ZNF253: variants seen among roughly 807,000 people sequenced by gnomAD.
The protein encoded by ZNF253 is DNA-binding protein.
ZNF253 carries 8 observed loss-of-function variants against 11.9 expected under a neutral mutation model. The ratio of observed to expected loss-of-function variants is 0.67; its 90% CI spans 0.40 to 1.22. The LOEUF is 1.22. ZNF253 is among the 50% of genes most tolerant of loss of function. The pLI, the probability that ZNF253 is intolerant of heterozygous loss-of-function variation, is 0.01. For synonymous variants in ZNF253, 194 were observed against 194.9 expected, an observed-to-expected ratio of 1.00 and a Z score of 0.04; for missense variants, 485 against 586.9, an observed-to-expected ratio of 0.83 and a Z score of 1.79.
chr19:19,872,580 T>TATATA lies in ZNF253; in HGVS notation c.4-5901_4-5900insATATA, dbSNP rs1555777030. ...CCATAACTATATATATATATATATATTATTATATATATATATATATAATCA... is the reference window on the plus strand; with the variant it reads ...CCATAACTATATATATATATATATATATATATATTATATATATATATATATAATCA... On this transcript the variant is annotated intron_variant, in intron 1 of 3. Coordinates refer to ENST00000589717, the MANE Select transcript of ZNF253 (RefSeq NM_021047.3). Among the ~76,000 whole-genome samples the TATATA allele has an allele frequency of 2.8e-3, 304 of 108,368 alleles. 8 individuals are homozygous for TATATA. The highest frequency in any genetic ancestry group is 0.013 in the African/African-American group (264 of 19,556). The allele number at this position is 108,368 out of a possible 152,430, so 71.1% of individuals were successfully genotyped here.
At chr19:19,875,576 T>C (rs2063151845) in intron 1 of ZNF253, among the ~76,000 whole-genome samples, 1 of 152,124 alleles carries the variant, frequency 6.6e-6, no homozygotes, top group Non-Finnish European at 1.5e-5. Context: ...TTTGTATTTT[T>C]AGTAGAGACG....
Position 19,892,616 on chromosome 19 carries a change from T to G in ZNF253, c.1369T>G (p.Cys457Gly), listed in dbSNP as rs1368343484. The change falls in exon 4 of 4, where the codon TGT (cysteine) becomes GGT (glycine). Residue 457 changes from cysteine (C) to glycine (G), a missense_variant. Around this residue, in one of 3 missense-constraint regions of ZNF253, gnomAD observed 232 missense variants for 321.4 expected, o/e 0.72. Coordinates refer to ENST00000589717, the MANE Select transcript of ZNF253 (RefSeq NM_021047.3). ...AGAGAAACCTTACAAATGTGAAGAA[T>G]GTGGCAAAGCTTTTAACTGGTCCTC... ...TGEKPYKCEECGKAFNWSSDL... is the reference protein window; with the variant it reads ...TGEKPYKCEEGGKAFNWSSDL... 6.2e-7 allele frequency: 1 copy of G among 1,613,956 alleles called. No individual in the cohort carries two copies. Among genetic ancestry groups the G allele is most frequent in the African/African-American group, 1.3e-5 (1 of 74,936 alleles).
chr19:19,892,348 C>T lies in ZNF253; in HGVS notation c.1101C>T (p.Pro367=), dbSNP rs756402201. The T allele has an allele frequency of 1.1e-5, 18 of 1,613,456 alleles. No homozygotes were observed. In the African/African-American group the frequency reaches 2.1e-4, roughly 19 times the overall value. ...AGATACTTCATACTGGAGAGAAACC[C>T]TACAGATGTAGAGAATGTGGCAAAG... ...THKILHTGEK[P]YRCRECGKAF... Residue 367 remains proline, a synonymous_variant, in exon 4 of 4, where the codon CCC becomes CCT. Transcript: ENST00000589717.
intron 1 of ZNF253, among the ~76,000 whole-genome samples, chr19:19,872,597 AT>A (rs1391407777): frequency 6.9e-4 from 99 of 144,028 alleles, no homozygotes; most frequent in African/African-American, 2.5e-3. Context: ...ATATATATAT[AT>A]ATAATCAAGT....
rs1279779900 is a variant in ZNF253, at chr19:19,891,544, G to A, written c.297G>A (p.Leu99=). 6.2e-7 allele frequency: 1 copy of A among 1,613,960 alleles called. No homozygotes were observed. The highest frequency in any genetic ancestry group is 1.7e-5 in the Admixed American group (1 of 59,988). Residue 99 remains leucine, a synonymous_variant, in exon 4 of 4, where the codon CTG becomes CTA. Transcript: ENST00000589717. The part of the protein sequence containing the change: ...NIQNSFQIGM[L]RRYEECRHDN... The stretch of plus-strand genomic sequence containing the variant: ...AAAATTCTTTCCAAATAGGGATGCT[G>A]AGAAGATATGAAGAATGCAGACATG...
intron 3 of ZNF253, among the ~76,000 whole-genome samples, chr19:19,888,256 G>A (rs2063214496): frequency 6.6e-6 from 1 of 152,008 alleles, no homozygotes; most frequent in Non-Finnish European, 1.5e-5. Context: ...TAGAGATGGG[G>A]TTACTCCATG....
In ZNF253 at chr19:19,882,174, A is replaced by G. The variant is rs1462390230; in HGVS notation, c.226+2028A>G. ...ATTGCACTCCAGCCTGGGCAACAAG[A>G]GCGAAACTCCGTCTCAATAAAAAAA... On this transcript the variant is annotated intron_variant, in intron 3 of 3. Transcript: ENST00000589717. 2.1e-5 allele frequency among the ~76,000 whole-genome samples: 3 copies of G among 145,550 alleles called. No individual in the cohort carries two copies. In the East Asian group the frequency reaches 6.1e-4, roughly 30 times the overall value.
chr19:19,878,491 A>C lies in ZNF253; in HGVS notation c.14A>C (p.Gln5Pro). 1.2e-6 allele frequency: 2 copies of C among 1,613,902 alleles called. No individual in the cohort carries two copies. The highest frequency in any genetic ancestry group is 8.5e-7 in the Non-Finnish European group (1 of 1,179,962). Residue 5 changes from glutamine (Q) to proline (P), a missense_variant, in exon 2 of 4, where the codon CAA (glutamine) becomes CCA (proline). This residue lies in a region of ZNF253 where 35 missense variants were observed against 52.4 expected (regional missense o/e 0.67). Transcript: ENST00000589717. ...GTGTGTGTTTTCCAGGGACCATTGC[A>C]ATTTAGAGATGTGGCCATAGAATTC... MGPLQFRDVAIEFSL... is the reference protein window; with the variant it reads MGPLPFRDVAIEFSL...
At position 19,878,590 on chromosome 19, in the gene ZNF253, G is replaced by A; in HGVS notation, c.113G>A (p.Arg38Lys). Residue 38 changes from arginine to lysine, a missense_variant, in exon 2 of 4, where the codon AGA (arginine) becomes AAA (lysine). Coordinates refer to ENST00000589717, the MANE Select transcript of ZNF253 (RefSeq NM_021047.3). ...AGGGATGTGATGTTAGAGAACTACA[G>A]AAACTTGGTCTTCCTTGGTGAGGAC... ...LYRDVMLENY[R>K]NLVFLGIVVS... is the part of the protein sequence containing the mutation. 1 of 1,613,498 alleles carries A rather than the reference G, an allele frequency of 6.2e-7. No individual in the cohort carries two copies. The highest frequency in any genetic ancestry group is 1.3e-5 in the African/African-American group (1 of 75,012).
intron 1 of ZNF253, 33 bp from the exon 2 acceptor site, chr19:19,878,448 T>C (rs1419549474): frequency 1.2e-6 from 2 of 1,612,382 alleles, no homozygotes; most frequent in African/African-American, 1.4e-5. Flanking sequence ...TCTCATGCCA[T>C]TTAGTAATTA....
chr19:19,885,291 C>CT (rs1226742626), intron 3 of ZNF253, among the ~76,000 whole-genome samples: 1 of 24,768 alleles, frequency 4.0e-5, no homozygotes, highest in African/African-American at 3.2e-4. Context: ...TTCTTTCTTT[C>CT]TCTTTCTTTT....
At position 19,891,977 on chromosome 19, in the gene ZNF253, A is replaced by G; in HGVS notation, c.730A>G (p.Thr244Ala). 1 of 1,613,924 alleles carries G rather than the reference A, an allele frequency of 6.2e-7. No homozygotes were observed. The highest frequency in any genetic ancestry group is 8.5e-7 in the Non-Finnish European group (1 of 1,180,014). The change falls in exon 4 of 4, where the codon ACT becomes GCT. Residue 244 changes from threonine (T) to alanine (A), a missense_variant. This residue lies in a region of ZNF253 where 232 missense variants were observed against 321.4 expected (regional missense o/e 0.72). Transcript: ENST00000589717. ...GKAFKQSSNLTTHKKIHTGEK... is the reference protein window; with the variant it reads ...GKAFKQSSNLATHKKIHTGEK... ...AGCCTTTAAGCAGTCCTCAAACCTT[A>G]CTACACATAAGAAAATTCATACTGG...
intron 2 of ZNF253, 178 bp downstream of exon 2, chr19:19,878,785 T>C (rs559318952): frequency 2.0e-5 from 11 of 549,902 alleles, no homozygotes; most frequent in Non-Finnish European, 3.3e-5. Flanking sequence ...ACCACAAAGA[T>C]AACCCTGTAA....
chr19:19,891,152 T>C (rs893020315), intron 3 of ZNF253, among the ~76,000 whole-genome samples: 11 of 152,136 alleles, frequency 7.2e-5, no homozygotes, highest in African/African-American at 2.7e-4. Context: ...CAATTTACTT[T>C]TAAAAGCACA....
chr19:19,887,360 G>A (rs577379137), intron 3 of ZNF253, among the ~76,000 whole-genome samples: 2 of 151,854 alleles, frequency 1.3e-5, no homozygotes, highest in South Asian at 2.1e-4. Flanking sequence ...GCTATGGTGC[G>A]ATCTCAGCTC....
intron 3 of ZNF253, among the ~76,000 whole-genome samples, chr19:19,882,919 C>T (rs892870879): frequency 6.7e-5 from 10 of 150,120 alleles, no homozygotes; most frequent in African/African-American, 4.9e-5. Context: ...TGCAATGAGC[C>T]GAGATTGCAC....
At chr19:19,874,837 G>T (rs555986146) in intron 1 of ZNF253, among the ~76,000 whole-genome samples, 1 of 149,744 alleles carries the variant, frequency 6.7e-6, no homozygotes. Context: ...GCGTGAACCC[G>T]GGAGGCGGAG....
chr19:19,879,969 A>G, intron 2 of ZNF253, 82 bp from the exon 3 acceptor site: 1 of 717,088 alleles, frequency 1.4e-6, no homozygotes, highest in Non-Finnish European at 2.1e-6. Context: ...ATATTTTATC[A>G]CATCCTCTCT....
At chr19:19,868,197 A>G (rs1156842636) in intron 1 of ZNF253, among the ~76,000 whole-genome samples, 1 of 152,092 alleles carries the variant, frequency 6.6e-6, no homozygotes, top group Non-Finnish European at 1.5e-5. Flanking sequence ...CTTTAGTTCA[A>G]ATAGGTCCCA....
Sources: allele counts gnomAD v4.1 joint callset (sites outside exome capture counted in the v4.1 genomes callset), GRCh38; gene constraint gnomAD v4.1.1; regional missense constraint gnomAD v4.1.1; transcripts MANE v1.5; gene names NCBI Gene and HGNC (gene_info 2026-07-23, HGNC 2026-07-21).